Variants in SLC39A12 observed in about 807,000 individuals in gnomAD.
The protein encoded by SLC39A12 is solute carrier family 39 member 12.
SLC39A12 carries 63 observed loss-of-function variants against 71.1 expected under a neutral mutation model. That is an observed-to-expected ratio of 0.89 (90% CI 0.72 to 1.09). The LOEUF (loss-of-function observed/expected upper bound fraction) is 1.09. Ranked by LOEUF, SLC39A12 falls within the 50% of genes least tolerant of loss-of-function variation. The pLI is 0.00. For synonymous variants in SLC39A12, 351 were observed against 301.3 expected, an observed-to-expected ratio of 1.16 and a Z score of -1.71; for missense variants, 892 against 812.6, an observed-to-expected ratio of 1.10 and a Z score of -1.19.
intron 12 of SLC39A12, among the ~76,000 whole-genome samples, chr10:18,027,610 T>C (rs1171533148): frequency 6.6e-6 from 1 of 152,212 alleles, no homozygotes; most frequent in Non-Finnish European, 1.5e-5. Flanking sequence ...AGTCAGATTT[T>C]CTTAACCTTC....
chr10:17,981,575 G>T, intron 6 of SLC39A12, 92 bp downstream of exon 6: 1 of 1,018,598 alleles, frequency 9.8e-7, no homozygotes, highest in Non-Finnish European at 1.4e-6. Flanking sequence ...ACCAGGCTCT[G>T]TTGTAAACAT....
intron 8 of SLC39A12, 127 bp downstream of exon 8, chr10:17,991,430 T>C (rs1361571156): frequency 1.5e-6 from 1 of 655,288 alleles, no homozygotes; most frequent in East Asian, 3.1e-5. Flanking sequence ...GAATGCTGAT[T>C]TCAAGAATAC....
At position 17,961,780 on chromosome 10, in the gene SLC39A12, A is replaced by G. The variant is rs868906321; in HGVS notation, c.461A>G (p.Glu154Gly). The G allele has an allele frequency of 1.9e-6, 3 of 1,614,162 alleles. No individual in the cohort carries two copies. Among genetic ancestry groups the G allele is most frequent in the Non-Finnish European group, 2.5e-6 (3 of 1,180,002 alleles). ...AGCCTACTGAGCCTCAGGCAGGATG[A>G]AGATTCCTCTTTCCTTTCACAGAAT... The part of the protein sequence containing the change: ...LHSLLSLRQD[E>G]DSSFLSQNET... The change falls in exon 3 of 13, where the codon GAA (glutamate) becomes GGA (glycine). Residue 154 changes from glutamate to glycine, a missense_variant. Physicochemically the swap from Glu to Gly is moderately conservative, Grantham distance 98 (BLOSUM62 -2). Transcript: ENST00000377369.
At chr10:18,003,732 A>G (rs995915484) in intron 12 of SLC39A12, among the ~76,000 whole-genome samples, 9 of 152,222 alleles carry the variant, frequency 5.9e-5, no homozygotes, top group African/African-American at 1.7e-4. Flanking sequence ...TCCAGTTGAA[A>G]ATGAAAAGTT....
chr10:18,014,435 A>G (rs1836321302), intron 12 of SLC39A12, among the ~76,000 whole-genome samples: 1 of 152,222 alleles, frequency 6.6e-6, no homozygotes, highest in South Asian at 2.1e-4. Flanking sequence ...TTTTTAAAAT[A>G]TAATGCTGTA....
chr10:18,036,779 TATA>T (rs1272661818), intron 12 of SLC39A12, among the ~76,000 whole-genome samples: 5 of 16,570 alleles, frequency 3.0e-4, no homozygotes, highest in African/African-American at 8.6e-4. Context: ...TATATATATA[TATA>T]TATATATATA....
intron 5 of SLC39A12, 113 bp from the exon 6 acceptor site, chr10:17,981,197 CAT>C (rs771785439): frequency 1.3e-4 from 113 of 846,516 alleles, no homozygotes; most frequent in Non-Finnish European, 1.9e-4. Context: ...GTACCGGCTT[CAT>C]GTGTGTGTTC....
intron 12 of SLC39A12, among the ~76,000 whole-genome samples, chr10:18,023,505 T>C (rs889773952): frequency 6.6e-6 from 1 of 151,960 alleles, no homozygotes; most frequent in Non-Finnish European, 1.5e-5. Context: ...CAGTTTCCTC[T>C]GGGAACTTCA....
At chr10:17,994,450 A>G (rs1589236784) in intron 9 of SLC39A12, among the ~76,000 whole-genome samples, 1 of 152,094 alleles carries the variant, frequency 6.6e-6, no homozygotes, top group South Asian at 2.1e-4. Flanking sequence ...CCCAATCAAT[A>G]AGAAGTCCTG....
At chr10:18,007,675 C>T (rs572796232) in intron 12 of SLC39A12, among the ~76,000 whole-genome samples, 3 of 152,216 alleles carry the variant, frequency 2.0e-5, no homozygotes, top group Non-Finnish European at 2.9e-5. Context: ...TCATTCCCCC[C>T]CCTTTTTAGA....
At chr10:18,036,782 A>ATTTTTTTTT (rs1564665979) in intron 12 of SLC39A12, among the ~76,000 whole-genome samples, 1 of 7,270 alleles carries the variant, frequency 1.4e-4, no homozygotes, top group African/African-American at 6.2e-4. Context: ...ATATATATAT[A>ATTTTTTTTT]TATATATATA....
intron 4 of SLC39A12, among the ~76,000 whole-genome samples, chr10:17,972,955 G>A (rs533148265): frequency 1.3e-5 from 2 of 151,974 alleles, no homozygotes; most frequent in East Asian, 1.9e-4. Flanking sequence ...TTTCTCTGGT[G>A]TTATGATTTA....
chr10:18,039,946 T>A (rs751156994), intron 12 of SLC39A12, among the ~76,000 whole-genome samples: 3 of 152,218 alleles, frequency 2.0e-5, no homozygotes, highest in Non-Finnish European at 2.9e-5. Context: ...ATCAAGGCAT[T>A]TAGTAAATGA....
At chr10:18,025,975 A>G (rs544343300) in intron 12 of SLC39A12, among the ~76,000 whole-genome samples, 1 of 152,326 alleles carries the variant, frequency 6.6e-6, no homozygotes, top group African/African-American at 2.4e-5. Flanking sequence ...TGTATAAAAT[A>G]TTTCTAATTC....
chr10:17,979,527 T>C (rs1162196257), intron 5 of SLC39A12, among the ~76,000 whole-genome samples: 5 of 152,236 alleles, frequency 3.3e-5, no homozygotes, highest in African/African-American at 1.2e-4. Context: ...TGTCTCTTTA[T>C]TTTTGTCAAT....
intron 9 of SLC39A12, among the ~76,000 whole-genome samples, chr10:17,993,986 C>G (rs1304751649): frequency 1.3e-5 from 2 of 152,112 alleles, no homozygotes; most frequent in Non-Finnish European, 2.9e-5. Context: ...AATGAGGAGG[C>G]TATTCCTGAG....
intron 12 of SLC39A12, among the ~76,000 whole-genome samples, chr10:18,035,714 G>T (rs1836986328): frequency 6.6e-6 from 1 of 152,234 alleles, no homozygotes; most frequent in African/African-American, 2.4e-5. Context: ...GCTGGAGGAG[G>T]AGAGATGCTC....
At chr10:18,002,229 C>T (rs1018073927) in intron 11 of SLC39A12, 11 of 152,204 alleles carry the variant, frequency 7.2e-5, no homozygotes, top group Admixed American at 2.0e-4. Flanking sequence ...CACTTTCGCA[C>T]CTACATTGCC....
intron 12 of SLC39A12, among the ~76,000 whole-genome samples, chr10:18,036,794 A>ATTTTTTTTTTTTTTTTTT (rs746691202): frequency 4.3e-5 from 4 of 92,860 alleles, no homozygotes; most frequent in Non-Finnish European, 5.8e-5. Flanking sequence ...ATATATATAT[A>ATTTTTTTTTTTTTTTTTT]TTTTTTTTTT....
Sources: allele counts gnomAD v4.1 joint callset (sites outside exome capture counted in the v4.1 genomes callset), GRCh38; gene constraint gnomAD v4.1.1; transcripts MANE v1.5; gene names NCBI Gene and HGNC (gene_info 2026-07-23, HGNC 2026-07-21).